GYG1: variants seen among roughly 807,000 people sequenced by gnomAD.
The protein encoded by GYG1 is glycogenin 1.
GYG1 carries 44 observed loss-of-function variants against 41.9 expected under a neutral mutation model. The observed-to-expected ratio is 1.05, with a 90% CI of 0.83 to 1.35. The LOEUF is 1.35. Ranked by LOEUF, GYG1 falls within the 40% of genes most tolerant of loss-of-function variation. The pLI is 0.00. For missense variants in GYG1, 429 were observed against 418.9 expected, an observed-to-expected ratio of 1.02 and a Z score of -0.21; for synonymous variants, 141 against 158.1, an observed-to-expected ratio of 0.89 and a Z score of 0.81.
chr3:148,998,611 GA>G (rs1712935811), intron 4 of GYG1, among the ~76,000 whole-genome samples: 1 of 152,256 alleles, frequency 6.6e-6, no homozygotes, highest in African/African-American at 2.4e-5. Context: ...CTTAAAATAA[GA>G]AAATAATAAT....
At chr3:149,024,310 G>A (rs1186812886) in intron 6 of GYG1, 38 bp downstream of exon 6, 3 of 1,224,948 alleles carry the variant, frequency 2.4e-6, no homozygotes, top group Non-Finnish European at 3.6e-6. Flanking sequence ...ATTTAATGCT[G>A]CTTTTTAAAA....
At chr3:149,011,055 T>A (rs3772573) in intron 5 of GYG1, among the ~76,000 whole-genome samples, 25 of 152,072 alleles carry the variant, frequency 1.6e-4, no homozygotes, top group Admixed American at 1.6e-3. Flanking sequence ...CCTCCCTAAC[T>A]GTTCCCTTGG....
At position 149,026,939 on chromosome 3, in the gene GYG1, C is replaced by T. The variant is rs761186512; in HGVS notation, c.*6C>T. ...TTGACACTTACCTCCAGTAGAAACACTGCATTTTTCTGTGAACACATCCAC... is the reference window on the plus strand; with the variant it reads ...TTGACACTTACCTCCAGTAGAAACATTGCATTTTTCTGTGAACACATCCAC... On this transcript the variant is annotated 3_prime_UTR_variant, in exon 8 of 8. Transcript: ENST00000345003. 2.1e-5 allele frequency: 34 copies of T among 1,613,454 alleles called. No homozygotes were observed. Among genetic ancestry groups the T allele is most frequent in the Non-Finnish European group, 2.8e-5 (33 of 1,179,308 alleles).
At chr3:149,005,880 AC>A (rs1376369893) in intron 4 of GYG1, among the ~76,000 whole-genome samples, 2 of 152,158 alleles carry the variant, frequency 1.3e-5, no homozygotes, top group African/African-American at 4.8e-5. Context: ...TATTGCCCCA[AC>A]CAGGAGATTG....
In GYG1 at chr3:149,027,271, C is replaced by T; in HGVS notation, c.*338C>T. 3.0e-6 allele frequency: 1 copy of T among 330,940 alleles called. No individual in the cohort carries two copies. Among genetic ancestry groups the T allele is most frequent in the South Asian group, 3.7e-5 (1 of 27,120 alleles). 20.5% of individuals were successfully genotyped at this position (330,940 alleles called of 1,614,324 possible). A position where few individuals can be genotyped will look rare whatever the true frequency, so the allele number is the denominator to read the frequency against. On this transcript the variant is annotated 3_prime_UTR_variant, in exon 8 of 8. Transcript: ENST00000345003. ...CTGCAGAGCCTGGTTCAAAATCAGTCACTCCCTTCAGAAGCAGACATGGCA... is the reference window on the plus strand; with the variant it reads ...CTGCAGAGCCTGGTTCAAAATCAGTTACTCCCTTCAGAAGCAGACATGGCA...
At chr3:148,999,790 A>T (rs897289499) in intron 4 of GYG1, among the ~76,000 whole-genome samples, 4 of 152,214 alleles carry the variant, frequency 2.6e-5, no homozygotes. Context: ...GCACTGATGA[A>T]CATTTTCAGG....
chr3:149,029,829 GCTAT>G lies in GYG1; in HGVS notation c.*2899_*2902del, dbSNP rs1315705708. Among the ~76,000 whole-genome samples, 1 of 152,154 alleles carries G rather than the reference GCTAT, an allele frequency of 6.6e-6. No homozygotes were observed. Among genetic ancestry groups the G allele is most frequent in the African/African-American group, 2.4e-5 (1 of 41,448 alleles). On this transcript the variant is annotated 3_prime_UTR_variant, in exon 8 of 8. Transcript: ENST00000345003. Reference sequence around the variant, plus strand: ...AAATGTACAATGATTGATTAAGAGTGCTATCTGTGTATATATAGGTATTATCACA... The same window carrying G: ...AAATGTACAATGATTGATTAAGAGTGCTGTGTATATATAGGTATTATCACA...
chr3:149,018,829 G>T (rs966701063), intron 5 of GYG1, among the ~76,000 whole-genome samples: 1 of 152,074 alleles, frequency 6.6e-6, no homozygotes, highest in Non-Finnish European at 1.5e-5. Context: ...AGCACTTTGG[G>T]AGGCAGAGGC....
chr3:149,027,259 T>G lies in GYG1; in HGVS notation c.*326T>G. On this transcript the variant is annotated 3_prime_UTR_variant, in exon 8 of 8. Coordinates refer to ENST00000345003, the MANE Select transcript of GYG1 (RefSeq NM_004130.4). ...AGTTCTTAAAATCTGCAGAGCCTGG[T>G]TCAAAATCAGTCACTCCCTTCAGAA... is the stretch of plus-strand genomic sequence containing the variant. The G allele has an allele frequency of 2.9e-6, 1 of 349,818 alleles. No homozygotes were observed. The allele number at this position is 349,818 out of a possible 1,614,324, so 21.7% of individuals were successfully genotyped here.
intron 2 of GYG1, among the ~76,000 whole-genome samples, chr3:148,995,247 G>C (rs1712719841): frequency 1.3e-5 from 2 of 152,144 alleles, no homozygotes; most frequent in African/African-American, 4.8e-5. Context: ...GTATCTGAAT[G>C]AGCTACCTAG....
chr3:148,993,808 A>G (rs555688025), intron 1 of GYG1, among the ~76,000 whole-genome samples: 2 of 152,354 alleles, frequency 1.3e-5, no homozygotes, highest in Admixed American at 1.3e-4. Context: ...CAGCAAATGT[A>G]CTACTTGATC....
intron 5 of GYG1, among the ~76,000 whole-genome samples, chr3:149,014,683 TA>T (rs376093069): frequency 0.026 from 3,710 of 144,958 alleles, 112 homozygotes; most frequent in African/African-American, 0.069. Context: ...CTGACACTAC[TA>T]AAAAAAAAAA....
In GYG1 at chr3:149,024,164, G is replaced by GA; in HGVS notation, c.721dup (p.Thr241AsnfsTer52). The stretch of plus-strand genomic sequence containing the variant: ...AAAGTGAGGCCCATGATCCCAACAT[G>GA]ACTCATCCAGAGTTTCTCATCCTGT... On this transcript the variant is annotated frameshift_variant, in exon 6 of 8. Coordinates refer to ENST00000345003, the MANE Select transcript of GYG1 (RefSeq NM_004130.4). LOFTEE classifies it high-confidence loss of function. 2 of 1,613,338 alleles carry GA rather than the reference G, an allele frequency of 1.2e-6. No individual in the cohort carries two copies. Among genetic ancestry groups the GA allele is most frequent in the Admixed American group, 3.3e-5 (2 of 60,012 alleles).
In GYG1 at chr3:149,012,312, A is replaced by G. The variant is rs73866932; in HGVS notation, c.608+2910A>G. 5.8e-3 allele frequency among the ~76,000 whole-genome samples: 883 copies of G among 152,304 alleles called. 11 individuals carry two copies. The highest frequency in any genetic ancestry group is 0.02 in the African/African-American group (839 of 41,568). Reference sequence around the variant, plus strand: ...GTGGTCTCCAGGACTAAGTAGCCCTATAGTATGCTGGCCTTCCCTAGGACA... The same window carrying G: ...GTGGTCTCCAGGACTAAGTAGCCCTGTAGTATGCTGGCCTTCCCTAGGACA... On this transcript the variant is annotated intron_variant, in intron 5 of 7. Transcript: ENST00000345003.
At chr3:148,991,688 G>A (rs1463770700) in intron 1 of GYG1, 41 bp downstream of exon 1, 3 of 1,463,840 alleles carry the variant, frequency 2.0e-6, no homozygotes, top group Admixed American at 4.0e-5. Context: ...CCGGGACCCC[G>A]GCTTCCTGCC....
chr3:149,025,682 T>TA (rs1200475855), intron 6 of GYG1, among the ~76,000 whole-genome samples: 4 of 152,142 alleles, frequency 2.6e-5, no homozygotes, highest in African/African-American at 9.7e-5. Flanking sequence ...AGTTATGTAA[T>TA]AGACTAGTCA....
intron 5 of GYG1, 66 bp from the exon 6 acceptor site, chr3:149,023,987 G>A: frequency 1.8e-6 from 2 of 1,103,214 alleles, no homozygotes; most frequent in South Asian, 2.5e-5. Flanking sequence ...GTGCTACTAA[G>A]TGCTGCTTAT....
intron 5 of GYG1, among the ~76,000 whole-genome samples, chr3:149,015,985 G>A (rs747358770): frequency 1.9e-4 from 29 of 151,164 alleles, no homozygotes; most frequent in African/African-American, 4.9e-4. Context: ...AGGACAGGCC[G>A]GGCGCAGTGG....
At chr3:149,011,840 T>C (rs1356125927) in intron 5 of GYG1, among the ~76,000 whole-genome samples, 5 of 152,110 alleles carry the variant, frequency 3.3e-5, no homozygotes, top group Non-Finnish European at 7.3e-5. Context: ...ACTGGGAAAG[T>C]TGGGAACAAC....
Sources: allele counts gnomAD v4.1 joint callset (sites outside exome capture counted in the v4.1 genomes callset), GRCh38; gene constraint gnomAD v4.1.1; transcripts MANE v1.5; gene names NCBI Gene and HGNC (gene_info 2026-07-23, HGNC 2026-07-21).